Variants in KHDRBS2 observed in about 807,000 individuals in gnomAD.
The protein encoded by KHDRBS2 is KH domain-containing, RNA-binding, signal transduction-associated protein 2.
In KHDRBS2, 26 loss-of-function variants were observed where a neutral mutation model predicts 44.3. The ratio of observed to expected loss-of-function variants is 0.59; its 90% CI spans 0.43 to 0.81. The LOEUF (loss-of-function observed/expected upper bound fraction) is 0.81, where lower values mean the gene tolerates loss of function less well. Among genes scored for constraint, KHDRBS2 ranks in the 40% least tolerant of loss-of-function variants. The pLI is 0.00. For synonymous variants in KHDRBS2, 194 were observed against 151.1 expected, an observed-to-expected ratio of 1.28 and a Z score of -2.08; for missense variants, 476 against 433.1, an observed-to-expected ratio of 1.10 and a Z score of -0.88.
chr6:61,583,409 C>T, the KHDRBS2 span, among the ~76,000 whole-genome samples: 1 of 151,564 alleles, frequency 6.6e-6, no homozygotes, highest in Non-Finnish European at 1.5e-5. Flanking sequence ...AGTTTGGGGC[C>T]AATATGAATA....
chr6:61,894,357 TA>T (rs1413571807), intron 6 of KHDRBS2, among the ~76,000 whole-genome samples: 2 of 152,198 alleles, frequency 1.3e-5, no homozygotes, highest in Admixed American at 1.3e-4. Context: ...TGTTTATAAT[TA>T]TTTCTCATTT....
chr6:62,266,649 G>A (rs1171309319), intron 1 of KHDRBS2, among the ~76,000 whole-genome samples: 1 of 151,826 alleles, frequency 6.6e-6, no homozygotes, highest in East Asian at 1.9e-4. Context: ...TATTTCTGGG[G>A]GAATTTGTAA....
intron 1 of KHDRBS2, among the ~76,000 whole-genome samples, chr6:62,232,669 TC>T (rs1833070854): frequency 6.6e-6 from 1 of 152,138 alleles, no homozygotes; most frequent in South Asian, 2.1e-4. Context: ...ATTAAACATA[TC>T]CCTACGTATA....
chr6:61,913,430 C>T (rs1313844220), intron 4 of KHDRBS2, among the ~76,000 whole-genome samples: 2 of 151,964 alleles, frequency 1.3e-5, no homozygotes, highest in African/African-American at 2.4e-5. Context: ...ACCAGGCATG[C>T]ATTCCAAAGG....
chr6:62,098,612 T>C (rs1801178738), intron 2 of KHDRBS2, among the ~76,000 whole-genome samples: 1 of 152,182 alleles, frequency 6.6e-6, no homozygotes, highest in Non-Finnish European at 1.5e-5. Context: ...AATTATGATA[T>C]GTCTTGGGGA....
chr6:61,727,953 A>G (rs1039543667), intron 7 of KHDRBS2, among the ~76,000 whole-genome samples: 7 of 152,162 alleles, frequency 4.6e-5, no homozygotes, highest in African/African-American at 1.7e-4. Flanking sequence ...AAATCATTTT[A>G]TTATAAAGAT....
At chr6:62,244,324 C>T (rs1835196309) in intron 1 of KHDRBS2, among the ~76,000 whole-genome samples, 1 of 151,980 alleles carries the variant, frequency 6.6e-6, no homozygotes, top group African/African-American at 2.4e-5. Flanking sequence ...ATGGAACTTG[C>T]CTGTTTTTAA....
At chr6:62,230,412 A>G (rs1429365249) in intron 1 of KHDRBS2, among the ~76,000 whole-genome samples, 1 of 152,186 alleles carries the variant, frequency 6.6e-6, no homozygotes, top group Non-Finnish European at 1.5e-5. Context: ...TTAAAAAATT[A>G]AAACTCCAAG....
chr6:62,219,114 T>C (rs1830472775), intron 1 of KHDRBS2, among the ~76,000 whole-genome samples: 1 of 151,696 alleles, frequency 6.6e-6, no homozygotes, highest in South Asian at 2.1e-4. Flanking sequence ...CTATGCAGTA[T>C]AAGGATGTAA....
chr6:61,902,349 C>CCAGAGATTCA (rs772858569), intron 4 of KHDRBS2, among the ~76,000 whole-genome samples: 37 of 152,012 alleles, frequency 2.4e-4, no homozygotes, highest in Non-Finnish European at 4.0e-4. Flanking sequence ...ACAATAACAA[C>CCAGAGATTCA]CAGAGATTCA....
At chr6:61,724,440 A>G (rs1445858861) in intron 7 of KHDRBS2, among the ~76,000 whole-genome samples, 3 of 152,128 alleles carry the variant, frequency 2.0e-5, no homozygotes, top group African/African-American at 7.2e-5. Flanking sequence ...ATCATGATGA[A>G]AGGATCAAAT....
intron 1 of KHDRBS2, among the ~76,000 whole-genome samples, chr6:62,221,417 T>C (rs1830874336): frequency 6.6e-6 from 1 of 152,092 alleles, no homozygotes; most frequent in Admixed American, 6.6e-5. Context: ...ACTAATACTG[T>C]ATTCAAGATT....
intron 4 of KHDRBS2, among the ~76,000 whole-genome samples, chr6:61,959,135 T>C (rs1268782224): frequency 6.6e-6 from 1 of 152,200 alleles, no homozygotes; most frequent in Admixed American, 6.6e-5. Flanking sequence ...CCAGTTTCTC[T>C]GCCTTCACAA....
intron 1 of KHDRBS2, among the ~76,000 whole-genome samples, chr6:62,215,159 T>C (rs922000154): frequency 6.6e-6 from 1 of 151,834 alleles, no homozygotes; most frequent in Non-Finnish European, 1.5e-5. Flanking sequence ...AAATATCAGA[T>C]TATTACTGTA....
chr6:61,885,467 G>A (rs1292047678), intron 6 of KHDRBS2, among the ~76,000 whole-genome samples: 4 of 152,168 alleles, frequency 2.6e-5, no homozygotes, highest in Middle Eastern at 3.4e-3. Context: ...CATCCTTCCC[G>A]TATCAGTGTT....
chr6:61,775,577 A>C (rs1173281034), intron 6 of KHDRBS2, among the ~76,000 whole-genome samples: 1 of 151,730 alleles, frequency 6.6e-6, no homozygotes, highest in African/African-American at 2.4e-5. Context: ...TAGGAATCCA[A>C]CTTACAAGGG....
intron 6 of KHDRBS2, among the ~76,000 whole-genome samples, chr6:61,793,054 A>G (rs1784844849): frequency 6.6e-6 from 1 of 151,994 alleles, no homozygotes; most frequent in Non-Finnish European, 1.5e-5. Flanking sequence ...AATTTTACTT[A>G]GAGATAAACA....
At chr6:62,085,888 G>C (rs1798289409) in intron 2 of KHDRBS2, among the ~76,000 whole-genome samples, 1 of 152,032 alleles carries the variant, frequency 6.6e-6, no homozygotes, top group Admixed American at 6.6e-5. Context: ...GGTTAAGATT[G>C]GGAAAAAGAG....
At chr6:61,974,717 G>A (rs937382098) in intron 4 of KHDRBS2, among the ~76,000 whole-genome samples, 4 of 151,812 alleles carry the variant, frequency 2.6e-5, no homozygotes, top group Non-Finnish European at 5.9e-5. Flanking sequence ...TGGATCATGA[G>A]GTCAAGATTT....
Sources: gnomAD v4.1 joint callset for allele counts (sites outside exome capture counted in the v4.1 genomes callset) on GRCh38, gnomAD v4.1.1 for gene constraint, MANE v1.5 for transcripts, NCBI Gene and HGNC (gene_info 2026-07-23, HGNC 2026-07-21) for gene names.